TRPC6: variants seen among roughly 807,000 people sequenced by gnomAD.
TRPC6 encodes the protein transient receptor potential cation channel subfamily C member 6.
Under a neutral mutation model 90.7 loss-of-function variants are expected in TRPC6, and 55 were observed. That is an observed-to-expected ratio of 0.61 (90% CI 0.49 to 0.76). The LOEUF is 0.76. TRPC6 is among the 30% of genes least tolerant of loss of function. The pLI is 0.00. For missense variants in TRPC6, 989 were observed against 1,122.7 expected (o/e 0.88, Z 1.70); for synonymous variants, 393 against 393.0 (o/e 1.00, Z 0.00).
intron 3 of TRPC6, among the ~76,000 whole-genome samples, chr11:101,489,961 GAA>G (rs1470287523): frequency 6.6e-6 from 1 of 152,112 alleles, no homozygotes. Context: ...GTGGGTGGAA[GAA>G]ATAAGCCCTG....
chr11:101,527,826 C>T (rs1860814227), intron 1 of TRPC6, among the ~76,000 whole-genome samples: 1 of 152,092 alleles, frequency 6.6e-6, no homozygotes, highest in Non-Finnish European at 1.5e-5. Flanking sequence ...GTAATCCCAG[C>T]ACTTTGGGAG....
intron 2 of TRPC6, among the ~76,000 whole-genome samples, chr11:101,498,108 A>C (rs1859996867): frequency 6.6e-6 from 1 of 152,162 alleles, no homozygotes; most frequent in Non-Finnish European, 1.5e-5. Context: ...GTTGTCCCTT[A>C]TTTGAATTAA....
At chr11:101,564,022 C>T (rs1433162296) in intron 1 of TRPC6, among the ~76,000 whole-genome samples, 1 of 151,766 alleles carries the variant, frequency 6.6e-6, no homozygotes, top group Non-Finnish European at 1.5e-5. Context: ...CTTCTTCCTA[C>T]TCCCACCTCC....
At chr11:101,531,988 G>A (rs530097798) in intron 1 of TRPC6, among the ~76,000 whole-genome samples, 12 of 152,174 alleles carry the variant, frequency 7.9e-5, no homozygotes, top group Non-Finnish European at 1.8e-4. Context: ...GGCATGGCAA[G>A]AAGTGTCCTG....
In TRPC6 at chr11:101,471,074, A is replaced by T. The variant is rs1262832760; in HGVS notation, c.2409+109T>A. On this transcript the variant is annotated intron_variant, in intron 9 of 12. Transcript: ENST00000344327. ...CTGTGTGAAGTGACTGCATATGGGA[A>T]TGAATGGATGTGTCATCAGGAACTG... 5 of 1,055,030 alleles carry T rather than the reference A, an allele frequency of 4.7e-6. No homozygotes were observed. The East Asian group carries it at 1.2e-4, about 25-fold the overall frequency. The allele number at this position is 1,055,030 out of a possible 1,614,324, so 65.4% of individuals were successfully genotyped here.
chr11:101,518,094 A>G (rs190224490), intron 1 of TRPC6, among the ~76,000 whole-genome samples: 3 of 152,320 alleles, frequency 2.0e-5, no homozygotes. Context: ...TCTGCTCATG[A>G]GATGTTATTG....
At chr11:101,490,245 C>A (rs1174849544) in intron 3 of TRPC6, among the ~76,000 whole-genome samples, 2 of 151,950 alleles carry the variant, frequency 1.3e-5, no homozygotes, top group African/African-American at 4.8e-5. Flanking sequence ...AACAATGCAA[C>A]CTTTAAAAAG....
At chr11:101,483,927 A>G (rs1053295200) in intron 4 of TRPC6, among the ~76,000 whole-genome samples, 1 of 152,180 alleles carries the variant, frequency 6.6e-6, no homozygotes, top group African/African-American at 2.4e-5. Flanking sequence ...TCTAAGAGGT[A>G]CAGATCTTCA....
intron 4 of TRPC6, among the ~76,000 whole-genome samples, chr11:101,485,429 A>G (rs1235163124): frequency 1.3e-5 from 2 of 152,128 alleles, no homozygotes; most frequent in African/African-American, 4.8e-5. Flanking sequence ...ATAAACATCA[A>G]TGTTATATTT....
At chr11:101,473,863 G>C (rs1859352616) in intron 6 of TRPC6, 90 bp from the exon 7 acceptor site, 1 of 1,577,366 alleles carries the variant, frequency 6.3e-7, no homozygotes, top group South Asian at 1.1e-5. Flanking sequence ...ATATAGTTAT[G>C]TTAGAATCCG....
At position 101,489,113 on chromosome 11, in the gene TRPC6, G is replaced by C; in HGVS notation, c.1129-12C>G. The C allele has an allele frequency of 4.3e-6, 7 of 1,613,618 alleles. No individual in the cohort carries two copies. The highest frequency in any genetic ancestry group is 5.9e-6 in the Non-Finnish European group (7 of 1,179,588). On this transcript the variant is annotated splice_polypyrimidine_tract_variant and intron_variant, in intron 3 of 12. Coordinates refer to ENST00000344327, the MANE Select transcript of TRPC6 (RefSeq NM_004621.6). ...GGATGAGCTACAAACTAGCAGGGAAGTGACAAAATATTTAAATTTGACTAA... is the reference window on the plus strand; with the variant it reads ...GGATGAGCTACAAACTAGCAGGGAACTGACAAAATATTTAAATTTGACTAA...
chr11:101,499,152 A>G (rs1481785333), intron 2 of TRPC6, among the ~76,000 whole-genome samples: 4 of 152,212 alleles, frequency 2.6e-5, no homozygotes. Context: ...AGCAGGGAAT[A>G]CTGAATACCA....
chr11:101,521,296 A>C (rs1860654434), intron 1 of TRPC6, among the ~76,000 whole-genome samples: 1 of 152,214 alleles, frequency 6.6e-6, no homozygotes, highest in Non-Finnish European at 1.5e-5. Flanking sequence ...GCTGCGGCTG[A>C]AAGGGTCCCA....
rs201162800 is a variant in TRPC6, at chr11:101,483,157, C to T, written c.1302G>A (p.Lys434=). 98 of 1,613,984 alleles carry T rather than the reference C, an allele frequency of 6.1e-5. No individual in the cohort carries two copies. In the East Asian group the frequency reaches 1.6e-3, roughly 26 times the overall value. ...ACTTCATGAATGGTCCACGCATTAT[C>T]TTCCCCATCTGCCACAACACACACC... ...YWFAPCSKMG[K]IMRGPFMKFV... The change falls in exon 5 of 13, where the codon AAG becomes AAA. Residue 434 remains lysine, a synonymous_variant. Coordinates refer to ENST00000344327, the MANE Select transcript of TRPC6 (RefSeq NM_004621.6).
intron 2 of TRPC6, among the ~76,000 whole-genome samples, chr11:101,496,990 C>T (rs1859964876): frequency 6.6e-6 from 1 of 152,212 alleles, no homozygotes; most frequent in Non-Finnish European, 1.5e-5. Flanking sequence ...TCTTAGTCGT[C>T]TTTGAATCCT....
intron 1 of TRPC6, among the ~76,000 whole-genome samples, chr11:101,541,559 T>C (rs1005505856): frequency 2.6e-5 from 4 of 152,118 alleles, no homozygotes; most frequent in Admixed American, 6.5e-5. Flanking sequence ...GACAGGGTTT[T>C]ACTGTTTCTT....
At chr11:101,566,183 G>T (rs761916625) in intron 1 of TRPC6, among the ~76,000 whole-genome samples, 5 of 152,138 alleles carry the variant, frequency 3.3e-5, no homozygotes, top group African/African-American at 7.2e-5. Flanking sequence ...AAATCACTTT[G>T]TAAGTTTTGC....
chr11:101,577,564 G>T (rs1862096540), intron 1 of TRPC6, among the ~76,000 whole-genome samples: 1 of 152,170 alleles, frequency 6.6e-6, no homozygotes, highest in Admixed American at 6.5e-5. Context: ...AAAGGTTGTG[G>T]CGGGAGGTGG....
intron 1 of TRPC6, among the ~76,000 whole-genome samples, chr11:101,505,126 C>T (rs1481935863): frequency 6.6e-6 from 1 of 152,178 alleles, no homozygotes; most frequent in Non-Finnish European, 1.5e-5. Context: ...TATCCATACC[C>T]TCTTATCCAT....
Sources: gnomAD v4.1 joint callset for allele counts (sites outside exome capture counted in the v4.1 genomes callset) on GRCh38, gnomAD v4.1.1 for gene constraint, MANE v1.5 for transcripts, NCBI Gene and HGNC (gene_info 2026-07-23, HGNC 2026-07-21) for gene names.